Variants in ANK3 observed in about 807,000 individuals in gnomAD.
ANK3 encodes ankyrin-3.
ANK3 carries 57 observed loss-of-function variants against 370.9 expected under a neutral mutation model. That is an observed-to-expected ratio of 0.15 (90% CI 0.12 to 0.19). ANK3 has a LOEUF of 0.19. Among genes scored for constraint, ANK3 ranks in the 10% least tolerant of loss-of-function variants. The pLI, the probability that ANK3 is intolerant of heterozygous loss-of-function variation, is 1.00. For synonymous variants in ANK3, 1,929 were observed against 1,946.3 expected, an observed-to-expected ratio of 0.99 and a Z score of 0.23; for missense variants, 4,439 against 5,302.1, an observed-to-expected ratio of 0.84 and a Z score of 5.06.
intron 8 of ANK3, among the ~76,000 whole-genome samples, chr10:60,233,403 T>C (rs1360259403): frequency 6.6e-6 from 1 of 152,192 alleles, no homozygotes; most frequent in Non-Finnish European, 1.5e-5. Flanking sequence ...ACACCTAGAT[T>C]AGACATATTT....
In ANK3 at chr10:60,601,173, G is replaced by GCACACACA. The variant is rs55896952; in HGVS notation, c.96+14005_96+14012dup. Among the ~76,000 whole-genome samples, 164 of 147,718 alleles carry GCACACACA rather than the reference G, an allele frequency of 1.1e-3. 1 individual carries two copies. Among genetic ancestry groups the GCACACACA allele is most frequent in the East Asian group, 6.4e-3 (32 of 4,984 alleles). The stretch of plus-strand genomic sequence containing the variant: ...CAAAGTCATTAAACATTTATACAAC[G>GCACACACA]CACACACACACACACACACACACAT... On this transcript the variant is annotated intron_variant, in intron 2 of 43. Transcript: ENST00000373827.
intron 2 of ANK3, among the ~76,000 whole-genome samples, chr10:60,451,451 C>A (rs1405293938): frequency 6.6e-6 from 1 of 152,174 alleles, no homozygotes; most frequent in Non-Finnish European, 1.5e-5. Flanking sequence ...AGTCTTCTGG[C>A]AGCTGGTCTA....
intron 1 of ANK3, among the ~76,000 whole-genome samples, chr10:60,723,150 T>G (rs1293295387): frequency 6.6e-6 from 1 of 152,232 alleles, no homozygotes; most frequent in Admixed American, 6.5e-5. Flanking sequence ...ATTTGATCCT[T>G]ATGACTTGAC....
At chr10:60,326,475 T>C (rs1427461058) in intron 1 of ANK3, among the ~76,000 whole-genome samples, 5 of 152,114 alleles carry the variant, frequency 3.3e-5, no homozygotes, top group African/African-American at 7.2e-5. Context: ...GATGTGAGTA[T>C]CTATCATTGC....
At chr10:60,034,812 C>T (rs1189350161) in intron 43 of ANK3, among the ~76,000 whole-genome samples, 1 of 152,050 alleles carries the variant, frequency 6.6e-6, no homozygotes, top group Admixed American at 6.5e-5. Context: ...TCTCTTTTTC[C>T]TTCTCTGTAG....
chr10:60,682,517 C>T (rs2079210146), intron 1 of ANK3, among the ~76,000 whole-genome samples: 1 of 152,074 alleles, frequency 6.6e-6, no homozygotes, highest in African/African-American at 2.4e-5. Flanking sequence ...GTGTGTTAGG[C>T]CGCAGGCACA....
chr10:60,241,944 G>C (rs544786059), intron 7 of ANK3, among the ~76,000 whole-genome samples: 1 of 152,226 alleles, frequency 6.6e-6, no homozygotes, highest in African/African-American at 2.4e-5. Flanking sequence ...TACACAGCAA[G>C]TTTAATTCTC....
At chr10:60,034,195 C>T (rs938972376) in intron 43 of ANK3, among the ~76,000 whole-genome samples, 3 of 151,384 alleles carry the variant, frequency 2.0e-5, no homozygotes, top group Admixed American at 1.3e-4. Flanking sequence ...CAACCTCCAC[C>T]TCCCGGGCTC....
intron 7 of ANK3, among the ~76,000 whole-genome samples, chr10:60,241,239 G>C (rs180904429): frequency 2.0e-5 from 3 of 152,262 alleles, no homozygotes; most frequent in Non-Finnish European, 4.4e-5. Flanking sequence ...TATGCACTTT[G>C]TGAGAAGAAG....
intron 1 of ANK3, among the ~76,000 whole-genome samples, chr10:60,321,737 A>G (rs1485078667): frequency 6.6e-6 from 1 of 152,212 alleles, no homozygotes; most frequent in African/African-American, 2.4e-5. Context: ...AAATCAGCAG[A>G]CTGACTGCAG....
intron 2 of ANK3, among the ~76,000 whole-genome samples, chr10:60,477,499 T>C (rs1252096695): frequency 7.5e-6 from 1 of 132,880 alleles, no homozygotes; most frequent in Non-Finnish European, 1.6e-5. Context: ...ACATACCTAC[T>C]GACAGACAGA....
At chr10:60,429,513 A>T (rs962160427) in intron 2 of ANK3, among the ~76,000 whole-genome samples, 16 of 152,204 alleles carry the variant, frequency 1.1e-4, no homozygotes, top group Admixed American at 2.6e-4. Flanking sequence ...TTGTAGGAAA[A>T]ATAAGAAGTG....
intron 1 of ANK3, among the ~76,000 whole-genome samples, chr10:60,618,211 C>G (rs181072235): frequency 6.6e-6 from 1 of 152,106 alleles, no homozygotes; most frequent in African/African-American, 2.4e-5. Context: ...TGCCACCATG[C>G]TATAATGTAG....
chr10:60,545,508 TA>T (rs1217778604), intron 2 of ANK3, among the ~76,000 whole-genome samples: 1 of 152,006 alleles, frequency 6.6e-6, no homozygotes, highest in Non-Finnish European at 1.5e-5. Context: ...GCAAGTATTA[TA>T]AACCTTGGTT....
At chr10:60,663,740 T>C (rs1403587687) in intron 1 of ANK3, among the ~76,000 whole-genome samples, 4 of 152,246 alleles carry the variant, frequency 2.6e-5, no homozygotes, top group Non-Finnish European at 5.9e-5. Flanking sequence ...TTTTAATTCT[T>C]TCATCTTTAG....
intron 2 of ANK3, among the ~76,000 whole-genome samples, chr10:60,487,013 T>G (rs1160499074): frequency 6.6e-6 from 1 of 152,198 alleles, no homozygotes; most frequent in Non-Finnish European, 1.5e-5. Context: ...GAGCCATATG[T>G]AATTATTCCC....
intron 17 of ANK3, among the ~76,000 whole-genome samples, chr10:60,182,426 G>C (rs1341710352): frequency 2.0e-5 from 3 of 152,094 alleles, no homozygotes; most frequent in Non-Finnish European, 4.4e-5. Context: ...AAATTACTAA[G>C]ATTATACTCC....
chr10:60,517,143 T>C (rs4400747), intron 2 of ANK3, among the ~76,000 whole-genome samples: 50,834 of 151,860 alleles, frequency 0.33, 8,772 homozygotes, highest in East Asian at 0.5. Flanking sequence ...TGGCTCACTG[T>C]AAACTCCACC....
chr10:60,292,437 T>C (rs2041616313), intron 1 of ANK3, among the ~76,000 whole-genome samples: 1 of 152,190 alleles, frequency 6.6e-6, no homozygotes, highest in Admixed American at 6.5e-5. Context: ...GGAGAATTTT[T>C]TTTTTCTTAA....
Sources: allele counts gnomAD v4.1 joint callset (sites outside exome capture counted in the v4.1 genomes callset), GRCh38; gene constraint gnomAD v4.1.1; transcripts MANE v1.5; gene names NCBI Gene and HGNC (gene_info 2026-07-23, HGNC 2026-07-21).